FXR1: variants seen among roughly 807,000 people sequenced by gnomAD.
FXR1 encodes RNA-binding protein FXR1.
In FXR1, 15 loss-of-function variants were observed where a neutral mutation model predicts 84.0. The observed-to-expected ratio is 0.18, with a 90% CI of 0.12 to 0.27. The LOEUF is 0.27. FXR1 is among the 10% of genes least tolerant of loss of function. FXR1 has a pLI of 1.00. For synonymous variants in FXR1, 245 were observed against 250.7 expected (o/e 0.98, Z 0.21); for missense variants, 480 against 774.4 (o/e 0.62, Z 4.51).
At chr3:180,949,430 A>G in intron 7 of FXR1, 87 bp downstream of exon 7, 1 of 773,020 alleles carries the variant, frequency 1.3e-6, no homozygotes, top group Non-Finnish European at 2.4e-6. Context: ...TCTGTTGCCC[A>G]GGCTAGAGTG....
chr3:180,940,968 T>C (rs1444429956), intron 3 of FXR1, among the ~76,000 whole-genome samples: 1 of 152,234 alleles, frequency 6.6e-6, no homozygotes, highest in African/African-American at 2.4e-5. Context: ...TCTGGTTTAG[T>C]ATTCATAGTT....
In FXR1 at chr3:180,979,590, C is replaced by T. The variant is rs1714509225; in HGVS notation, c.*3298C>T. On this transcript the variant is annotated 3_prime_UTR_variant, in exon 17 of 17. Transcript: ENST00000357559. ...TTTTAGTTCTTTATTAGAACGTGTA[C>T]TTGAATGGACTGTAGTTGCTCATAA... 6.6e-6 allele frequency: 1 copy of T among 151,648 alleles called. No individual in the cohort carries two copies. 9.4% of individuals were successfully genotyped at this position (151,648 alleles called of 1,614,324 possible).
chr3:180,924,246 A>G (rs1220007917), intron 1 of FXR1, among the ~76,000 whole-genome samples: 1 of 151,930 alleles, frequency 6.6e-6, no homozygotes, highest in African/African-American at 2.4e-5. Flanking sequence ...TGTCGTGCCC[A>G]GCCTTCAGCC....
At chr3:180,955,875 T>C (rs1722695103) in intron 9 of FXR1, among the ~76,000 whole-genome samples, 1 of 152,220 alleles carries the variant, frequency 6.6e-6, no homozygotes, top group African/African-American at 2.4e-5. Context: ...TCTCTTTTCC[T>C]GTATCCTGTC....
At chr3:180,970,986 TC>T in intron 15 of FXR1, 1 of 263,696 alleles carries the variant, frequency 3.8e-6, no homozygotes, top group South Asian at 4.9e-5. Flanking sequence ...AGTTTATTTT[TC>T]CCCTTTAAAT....
chr3:180,962,734 A>G (rs935891066), intron 11 of FXR1, 149 bp from the exon 12 acceptor site: 7 of 627,682 alleles, frequency 1.1e-5, no homozygotes, highest in African/African-American at 1.8e-5. Flanking sequence ...AAATGACCTC[A>G]TCAATTCTGT....
At chr3:180,933,689 G>A (rs111391111) in intron 2 of FXR1, among the ~76,000 whole-genome samples, 1 of 152,158 alleles carries the variant, frequency 6.6e-6, no homozygotes, top group Admixed American at 6.5e-5. Flanking sequence ...TTTCAAATGA[G>A]GTTGTAGAAG....
chr3:180,963,238 TTAA>T (rs1712371732), intron 13 of FXR1, 148 bp downstream of exon 13: 15 of 558,408 alleles, frequency 2.7e-5, no homozygotes, highest in Non-Finnish European at 4.4e-5. Flanking sequence ...AGTACACGTC[TTAA>T]TAGTAGTGAT....
chr3:180,921,368 CA>C (rs1288452806), intron 1 of FXR1, among the ~76,000 whole-genome samples: 2 of 136,452 alleles, frequency 1.5e-5, no homozygotes, highest in Non-Finnish European at 3.2e-5. Flanking sequence ...ACAGAAACTC[CA>C]TCTAAAAAAA....
chr3:180,951,309 A>G lies in FXR1; in HGVS notation c.642A>G (p.Gln214=). 1 of 1,600,502 alleles carries G rather than the reference A, an allele frequency of 6.2e-7. No homozygotes were observed. Residue 214 remains glutamine, a synonymous_variant, in exon 8 of 17, where the codon CAA becomes CAG. Coordinates refer to ENST00000357559, the MANE Select transcript of FXR1 (RefSeq NM_005087.4). ...TCCTTTTTTATTAGTGCACAAAACAACTTGCAGCAGCTTTTCATGAGGAAT... is the reference window on the plus strand; with the variant it reads ...TCCTTTTTTATTAGTGCACAAAACAGCTTGCAGCAGCTTTTCATGAGGAAT... ...EATKHLECTK[Q]LAAAFHEEFV...
chr3:180,950,378 A>G (rs952553188), intron 7 of FXR1, among the ~76,000 whole-genome samples: 3 of 152,218 alleles, frequency 2.0e-5, no homozygotes, highest in African/African-American at 7.2e-5. Context: ...TCTTTTCCCC[A>G]TTCATTTTAT....
chr3:180,962,443 T>C (rs1177260766), intron 11 of FXR1, among the ~76,000 whole-genome samples: 1 of 152,226 alleles, frequency 6.6e-6, no homozygotes, highest in East Asian at 1.9e-4. Flanking sequence ...CTAGCACTCC[T>C]TCTAGGTCAC....
intron 1 of FXR1, among the ~76,000 whole-genome samples, chr3:180,929,824 C>A (rs1408537242): frequency 6.6e-6 from 1 of 152,170 alleles, no homozygotes; most frequent in Non-Finnish European, 1.5e-5. Flanking sequence ...ATTAGAAACA[C>A]CTTTGTCTAG....
chr3:180,968,495 G>A lies in FXR1; in HGVS notation c.1402+241G>A, dbSNP rs1713122987. On this transcript the variant is annotated intron_variant, in intron 14 of 16. Transcript: ENST00000357559. The stretch of plus-strand genomic sequence containing the variant: ...TGGCAGCTTTTCTTTATATGATGAG[G>A]GTCAGATGTTTCTCTCTTCAGGTTT... 1.4e-5 allele frequency: 5 copies of A among 346,244 alleles called. 1 individual carries two copies. The South Asian group carries it at 2.9e-4, about 20-fold the overall frequency. 21.4% of individuals were successfully genotyped at this position (346,244 alleles called of 1,614,324 possible). A position where few individuals can be genotyped will look rare whatever the true frequency, so the allele number is the denominator to read the frequency against.
chr3:180,943,373 C>T (rs1021554892), intron 3 of FXR1, among the ~76,000 whole-genome samples: 3 of 147,728 alleles, frequency 2.0e-5, no homozygotes, highest in Non-Finnish European at 4.4e-5. Flanking sequence ...GGCGATTCTC[C>T]TGCCTCAACC....
intron 13 of FXR1, among the ~76,000 whole-genome samples, chr3:180,964,688 T>C (rs1712587606): frequency 6.8e-6 from 1 of 147,978 alleles, no homozygotes. Context: ...TATATATATA[T>C]ATATATATAT....
chr3:180,931,133 A>G (rs1481367587), intron 1 of FXR1, among the ~76,000 whole-genome samples: 1 of 152,020 alleles, frequency 6.6e-6, no homozygotes, highest in Non-Finnish European at 1.5e-5. Context: ...CCTGAACTAC[A>G]GTGGCAACTC....
intron 16 of FXR1, 134 bp from the exon 17 acceptor site, chr3:180,975,988 T>A: frequency 1.6e-6 from 1 of 621,534 alleles, no homozygotes; most frequent in Non-Finnish European, 2.8e-6. Context: ...TTAAAGATGT[T>A]TTAATACTTT....
intron 3 of FXR1, among the ~76,000 whole-genome samples, chr3:180,944,634 A>C (rs1333333172): frequency 1.3e-5 from 2 of 151,798 alleles, no homozygotes; most frequent in African/African-American, 4.8e-5. Flanking sequence ...CCATTATTAG[A>C]CTTTTTTAAA....
Sources: allele counts gnomAD v4.1 joint callset (sites outside exome capture counted in the v4.1 genomes callset), GRCh38; gene constraint gnomAD v4.1.1; transcripts MANE v1.5; gene names NCBI Gene and HGNC (gene_info 2026-07-23, HGNC 2026-07-21).